The following ZNF280D variants were observed in gnomAD, a reference collection of about 807,000 sequenced individuals.
ZNF280D encodes suppressor of hairy wing homolog 4.
ZNF280D carries 39 observed loss-of-function variants against 94.7 expected under a neutral mutation model. That is an observed-to-expected ratio of 0.41 (90% CI 0.32 to 0.54). The LOEUF is 0.54. Among genes scored for constraint, ZNF280D ranks in the 20% least tolerant of loss-of-function variants. ZNF280D has a pLI of 0.22. For missense variants in ZNF280D, 1,090 were observed against 1,149.3 expected, an observed-to-expected ratio of 0.95 and a Z score of 0.75; for synonymous variants, 398 against 377.6, an observed-to-expected ratio of 1.05 and a Z score of -0.63.
At chr15:56,732,807 G>GT (rs1286023735) in intron 1 of ZNF280D, 2 of 152,230 alleles carry the variant, frequency 1.3e-5, no homozygotes, top group Admixed American at 1.3e-4. Flanking sequence ...TTCCGTCTCA[G>GT]TAAGTGAACC....
chr15:56,654,164 A>G, intron 19 of ZNF280D, 34 bp downstream of exon 19: 1 of 1,592,970 alleles, frequency 6.3e-7, no homozygotes, highest in Non-Finnish European at 8.5e-7. Context: ...AAAATCCATC[A>G]AAGTAAAATG....
intron 1 of ZNF280D, 74 bp from the exon 2 acceptor site, chr15:56,707,380 T>C (rs1207000956): frequency 4.2e-5 from 54 of 1,277,576 alleles, no homozygotes; most frequent in Non-Finnish European, 5.5e-5. Flanking sequence ...TCTTTTCTCC[T>C]ATACAGAGGT....
intron 19 of ZNF280D, among the ~76,000 whole-genome samples, chr15:56,649,280 C>A (rs1226182642): frequency 1.3e-5 from 2 of 152,086 alleles, no homozygotes; most frequent in African/African-American, 4.8e-5. Flanking sequence ...ACCTCAGAAT[C>A]ACTGGTAGAG....
intron 1 of ZNF280D, chr15:56,724,976 C>G (rs375537900): frequency 6.2e-5 from 25 of 401,932 alleles, no homozygotes; most frequent in African/African-American, 5.1e-4. Context: ...AGCTGAGAGT[C>G]AGATAATCTT....
chr15:56,688,308 C>T (rs1288252721), intron 9 of ZNF280D, among the ~76,000 whole-genome samples: 7 of 151,494 alleles, frequency 4.6e-5, no homozygotes, highest in African/African-American at 1.2e-4. Context: ...CTGGCTAACA[C>T]GATGAAACCC....
chr15:56,659,175 T>TAAA (rs35057161), intron 16 of ZNF280D, among the ~76,000 whole-genome samples: 61 of 93,200 alleles, frequency 6.5e-4, no homozygotes, highest in Admixed American at 2.0e-3. Context: ...TGTTTTTTAT[T>TAAA]AAAAAAAAAA....
chr15:56,720,742 G>C (rs2058311480), intron 1 of ZNF280D, among the ~76,000 whole-genome samples: 1 of 152,126 alleles, frequency 6.6e-6, no homozygotes, highest in Non-Finnish European at 1.5e-5. Context: ...TAATCTTCTT[G>C]TACACTTCCA....
chr15:56,681,344 A>G (rs1171448873), intron 10 of ZNF280D, among the ~76,000 whole-genome samples: 1 of 152,244 alleles, frequency 6.6e-6, no homozygotes, highest in African/African-American at 2.4e-5. Context: ...CTGTACACAC[A>G]TGCACAAACA....
At chr15:56,670,352 C>G (rs184457425) in intron 13 of ZNF280D, among the ~76,000 whole-genome samples, 2 of 151,862 alleles carry the variant, frequency 1.3e-5, no homozygotes, top group Admixed American at 1.3e-4. Context: ...CTCCCACCCT[C>G]TGCCCTCTGG....
chr15:56,640,842 T>C (rs905618545), intron 20 of ZNF280D, among the ~76,000 whole-genome samples: 3 of 152,166 alleles, frequency 2.0e-5, no homozygotes, highest in Non-Finnish European at 2.9e-5. Context: ...ACAAACTTGA[T>C]TGTATGTTAT....
At chr15:56,723,854 C>CA (rs1567044152) in intron 1 of ZNF280D, among the ~76,000 whole-genome samples, 3 of 108,970 alleles carry the variant, frequency 2.8e-5, no homozygotes, top group African/African-American at 5.5e-5. Flanking sequence ...CTGAAAATAT[C>CA]GTAAGTTGAA....
chr15:56,637,561 C>A (rs1196874939), intron 20 of ZNF280D, among the ~76,000 whole-genome samples: 1 of 152,046 alleles, frequency 6.6e-6, no homozygotes, highest in Non-Finnish European at 1.5e-5. Context: ...CTGAAGTCTA[C>A]GCAATTTTCA....
At chr15:56,658,958 C>G (rs1382618818) in intron 16 of ZNF280D, among the ~76,000 whole-genome samples, 1 of 151,736 alleles carries the variant, frequency 6.6e-6, no homozygotes, top group Non-Finnish European at 1.5e-5. Context: ...AGAACTTGAG[C>G]TAAATGCCAC....
chr15:56,654,020 T>C, intron 19 of ZNF280D, 178 bp downstream of exon 19: 1 of 1,455,686 alleles, frequency 6.9e-7, no homozygotes. Flanking sequence ...CCAACTTGTC[T>C]TGCACCAGGT....
intron 10 of ZNF280D, 36 bp from the exon 11 acceptor site, chr15:56,678,857 T>A (rs1234809696): frequency 6.9e-7 from 1 of 1,454,388 alleles, no homozygotes; most frequent in Admixed American, 2.5e-5. Flanking sequence ...AAACTTGAGA[T>A]TTAAAAACAA....
intron 19 of ZNF280D, among the ~76,000 whole-genome samples, chr15:56,650,207 G>T (rs1235331559): frequency 6.6e-6 from 1 of 151,996 alleles, no homozygotes; most frequent in African/African-American, 2.4e-5. Flanking sequence ...GGGTGTCAAT[G>T]TTCAGTGACA....
intron 3 of ZNF280D, 80 bp from the exon 4 acceptor site, chr15:56,704,347 T>A: frequency 1.5e-6 from 2 of 1,346,720 alleles, no homozygotes; most frequent in Non-Finnish European, 2.0e-6. Flanking sequence ...AGCATTAATT[T>A]TAAGGTGTAC....
At chr15:56,651,567 A>C (rs1707540505) in intron 19 of ZNF280D, among the ~76,000 whole-genome samples, 4 of 152,156 alleles carry the variant, frequency 2.6e-5, no homozygotes, top group Non-Finnish European at 5.9e-5. Context: ...TCTATGTAAG[A>C]CCACAAAGCA....
At chr15:56,654,913 T>C in intron 17 of ZNF280D, 1 of 423,950 alleles carries the variant, frequency 2.4e-6, no homozygotes, top group Non-Finnish European at 4.8e-6. Context: ...ACTGTACTAC[T>C]AGGTATTGTG....
Sources: gnomAD v4.1 joint callset for allele counts (sites outside exome capture counted in the v4.1 genomes callset) on GRCh38, gnomAD v4.1.1 for gene constraint, MANE v1.5 for transcripts, NCBI Gene and HGNC (gene_info 2026-07-23, HGNC 2026-07-21) for gene names.